TSBP1: variants seen among roughly 807,000 people sequenced by gnomAD.
TSBP1 encodes the protein testis expressed basic protein 1.
A neutral mutation model predicts 68.8 loss-of-function variants in TSBP1; 56 were observed. The ratio of observed to expected loss-of-function variants is 0.81; its 90% CI spans 0.66 to 1.02. The LOEUF (loss-of-function observed/expected upper bound fraction) is 1.02, where lower values mean the gene tolerates loss of function less well. TSBP1 is among the 50% of genes least tolerant of loss of function. The pLI is 0.00. For missense variants in TSBP1, 502 were observed against 641.2 expected (o/e 0.78, Z 2.34); for synonymous variants, 171 against 208.7 (o/e 0.82, Z 1.56).
chr6:32,334,868 C>A (rs940979062), intron 14 of TSBP1, among the ~76,000 whole-genome samples: 2 of 152,036 alleles, frequency 1.3e-5, no homozygotes, highest in Non-Finnish European at 2.9e-5. Flanking sequence ...CCCATCTCTA[C>A]TAAAAATACA....
At chr6:32,347,676 T>A (rs1771211121) in intron 9 of TSBP1, among the ~76,000 whole-genome samples, 1 of 128,418 alleles carries the variant, frequency 7.8e-6, no homozygotes, top group Admixed American at 7.9e-5. Context: ...TGGCTTATTG[T>A]GGTGCTCAGA....
rs747212915 is a variant in TSBP1 at position 32,357,760 on chromosome 6, T to C, written c.218-2091A>G. Among the ~76,000 whole-genome samples, 1 of 152,134 alleles carries C rather than the reference T, an allele frequency of 6.6e-6. No individual in the cohort carries two copies. The highest frequency in any genetic ancestry group is 2.4e-5 in the African/African-American group (1 of 41,422). ...GAGTTAAATATCATTCCAAGGTAGATAGTCTGAGCAATTAGGTGAATACAG... is the reference window on the plus strand; with the variant it reads ...GAGTTAAATATCATTCCAAGGTAGACAGTCTGAGCAATTAGGTGAATACAG... On this transcript the variant is annotated intron_variant, in intron 6 of 22. Coordinates refer to ENST00000612031, the Ensembl canonical transcript of TSBP1. This position sits in a 1 kb window ranked among gnomAD's most constrained non-coding sequence, Gnocchi z 4.7.
intron 8 of TSBP1, chr6:32,350,236 A>T (rs1451712095): frequency 8.7e-6 from 4 of 457,804 alleles, no homozygotes; most frequent in African/African-American, 8.0e-5. Flanking sequence ...CCACTTTCCA[A>T]AATTCACTTG....
exon 23 of TSBP1, chr6:32,293,098 T>G (rs1764315907): frequency 6.2e-7 from 1 of 1,604,366 alleles, no homozygotes; most frequent in South Asian, 1.1e-5. Flanking sequence ...TGTCCTTTCC[T>G]TTGTCACCTT....
intron 8 of TSBP1, among the ~76,000 whole-genome samples, chr6:32,354,609 T>C (rs1030986545): frequency 6.6e-6 from 1 of 152,146 alleles, no homozygotes; most frequent in Non-Finnish European, 1.5e-5. Flanking sequence ...TTCCATCTAC[T>C]TAAGGACTGT....
intron 17 of TSBP1, 62 bp from the exon 19 acceptor site, chr6:32,323,199 A>T: frequency 1.7e-6 from 2 of 1,154,552 alleles, no homozygotes; most frequent in Non-Finnish European, 1.3e-6. Context: ...CCCTCTAGGG[A>T]GGTATATTTG....
chr6:32,333,744 G>A lies in TSBP1; in HGVS notation c.473-1690C>T, dbSNP rs986282198. Among the ~76,000 whole-genome samples, 16 of 152,224 alleles carry A rather than the reference G, an allele frequency of 1.1e-4. No individual in the cohort carries two copies. Among genetic ancestry groups the A allele is most frequent in the Non-Finnish European group, 4.4e-5 (3 of 68,038 alleles). On this transcript the variant is annotated intron_variant, in intron 14 of 22. Coordinates refer to ENST00000612031, the Ensembl canonical transcript of TSBP1. The surrounding 1 kb of genome is among the most constrained non-coding windows in gnomAD (Gnocchi z 4.2). ...GTAATCTTCTAAGTCTGCGTGGTTA[G>A]TTGAATCTAAAAAGACCATATCTTC...
chr6:32,331,693 C>T (rs1402447215), intron 15 of TSBP1, among the ~76,000 whole-genome samples: 3 of 152,062 alleles, frequency 2.0e-5, no homozygotes, highest in Admixed American at 6.5e-5. Context: ...AATATCCTGC[C>T]GGCCAGCAAG....
At position 32,365,699 on chromosome 6, in the gene TSBP1, T is replaced by C. The variant is rs1773625051; in HGVS notation, c.217+468A>G. 2 of 441,818 alleles carry C rather than the reference T, an allele frequency of 4.5e-6. No individual in the cohort carries two copies. Among genetic ancestry groups the C allele is most frequent in the Admixed American group, 4.8e-5 (2 of 41,476 alleles). The allele number at this position is 441,818 out of a possible 1,614,324, so 27.4% of individuals were successfully genotyped here. A position where few individuals can be genotyped will look rare whatever the true frequency, so the allele number is the denominator to read the frequency against. On this transcript the variant is annotated intron_variant, in intron 6 of 22. Transcript: ENST00000612031. The surrounding 1 kb of genome is among the most constrained non-coding windows in gnomAD (Gnocchi z 4.3). ...GGGCCAAGTGGGTCTGTCTCAGCATTGAGTTGTGCCACCTTGGGGGAGGAG... is the reference window on the plus strand; with the variant it reads ...GGGCCAAGTGGGTCTGTCTCAGCATCGAGTTGTGCCACCTTGGGGGAGGAG...
chr6:32,370,947 T>C (rs1774353115), intron 1 of TSBP1, among the ~76,000 whole-genome samples: 1 of 152,060 alleles, frequency 6.6e-6, no homozygotes, highest in African/African-American at 2.4e-5. Context: ...TCTGAAAGAC[T>C]AGGAAAGTAG....
chr6:32,308,274 TA>T (rs1765971726), intron 19 of TSBP1, among the ~76,000 whole-genome samples: 1 of 151,688 alleles, frequency 6.6e-6, no homozygotes, highest in Non-Finnish European at 1.5e-5. Flanking sequence ...TATTGTATAA[TA>T]TTGTGCTAAG....
rs779638374 is a variant in TSBP1 at position 32,338,985 on chromosome 6, C to T, written c.403G>A (p.Ala135Thr). 1 of 1,611,674 alleles carries T rather than the reference C, an allele frequency of 6.2e-7. No individual in the cohort carries two copies. Among genetic ancestry groups the T allele is most frequent in the Non-Finnish European group, 8.5e-7 (1 of 1,178,838 alleles). ...GGGCAGAAAAAGAACTTACTCATGG[C>T]TCCTGCAGTTCTGGCTAAAATACAA... is the stretch of plus-strand genomic sequence containing the variant. The change falls in exon 11 of 23, where the codon GCC (alanine) becomes ACC (threonine). Residue 135 changes from alanine to threonine, a missense_variant. Coordinates refer to ENST00000612031, the Ensembl canonical transcript of TSBP1. This position sits in a 1 kb window ranked among gnomAD's most constrained non-coding sequence, Gnocchi z 5.5.
Position 32,306,316 on chromosome 6 carries a change from G to A in TSBP1, c.581-3687C>T, listed in dbSNP as rs758084665. 3.3e-5 allele frequency among the ~76,000 whole-genome samples: 5 copies of A among 152,138 alleles called. No homozygotes were observed. The highest frequency in any genetic ancestry group is 6.5e-5 in the Admixed American group (1 of 15,274). On this transcript the variant is annotated intron_variant, in intron 19 of 22. Transcript: ENST00000612031. The surrounding 1 kb of genome is among the most constrained non-coding windows in gnomAD (Gnocchi z 5.1). ...TTCCCAACCTCCTCTGACTCTTGCT[G>A]GCATCCAGATCTCTGTGTTCCTCAG...
At position 32,334,370 on chromosome 6, in the gene TSBP1, A is replaced by G. The variant is rs374116191; in HGVS notation, c.472+1067T>C. Reference sequence around the variant, plus strand: ...ACTTTTTCTCCTCTAGGCCTTTACTACCCTTTAATCTCAATATTAGAACTT... The same window carrying G: ...ACTTTTTCTCCTCTAGGCCTTTACTGCCCTTTAATCTCAATATTAGAACTT... On this transcript the variant is annotated intron_variant, in intron 14 of 22. Transcript: ENST00000612031. Among the ~76,000 whole-genome samples, 35 of 152,048 alleles carry G rather than the reference A, an allele frequency of 2.3e-4. No homozygotes were observed. In the South Asian group the frequency reaches 5.4e-3, roughly 24 times the overall value.
Position 32,328,947 on chromosome 6 carries a change from G to A in TSBP1, c.514+1642C>T, listed in dbSNP as rs541503347. On this transcript the variant is annotated intron_variant, in intron 16 of 22. Transcript: ENST00000612031. ...GTACAGATTTCTTATGTCATATATGGCATAGTGGTGAAGTCTGGGCTTTTA... is the reference window on the plus strand; with the variant it reads ...GTACAGATTTCTTATGTCATATATGACATAGTGGTGAAGTCTGGGCTTTTA... 7.9e-5 allele frequency among the ~76,000 whole-genome samples: 12 copies of A among 152,196 alleles called. No individual in the cohort carries two copies. In the South Asian group the frequency reaches 2.5e-3, roughly 32 times the overall value.
In TSBP1 at chr6:32,303,473, T is replaced by C. The variant is rs187197248; in HGVS notation, c.581-844A>G. ...GCATTTAGGTCCACTTTACGTGATA[T>C]TAATGTAGCCACATCTGCCTTTTTT... On this transcript the variant is annotated intron_variant, in intron 19 of 22. Coordinates refer to ENST00000612031, the Ensembl canonical transcript of TSBP1. Among the ~76,000 whole-genome samples, 248 of 151,028 alleles carry C rather than the reference T, an allele frequency of 1.6e-3. 9 individuals are homozygous for C. In the East Asian group the frequency reaches 0.035, roughly 21 times the overall value.
At chr6:32,367,717 T>C (rs926943310) in intron 4 of TSBP1, among the ~76,000 whole-genome samples, 4 of 152,232 alleles carry the variant, frequency 2.6e-5, no homozygotes, top group East Asian at 3.8e-4. Flanking sequence ...ATGAATTCTT[T>C]TGATGGTCTT....
rs1046889501 is a variant in TSBP1 at position 32,336,403 on chromosome 6, C to G, written c.430+212G>C. ...CTTTGGAAACTATGTAATAGGAATG[C>G]CAGGGGAGTTGAGAAAGACAGTGTT... On this transcript the variant is annotated intron_variant, in intron 12 of 22. Transcript: ENST00000612031. This position sits in a 1 kb window ranked among gnomAD's most constrained non-coding sequence, Gnocchi z 5.2. 1.3e-5 allele frequency among the ~76,000 whole-genome samples: 2 copies of G among 152,074 alleles called. No individual in the cohort carries two copies. The highest frequency in any genetic ancestry group is 4.1e-4 in the South Asian group (2 of 4,828).
intron 8 of TSBP1, among the ~76,000 whole-genome samples, chr6:32,353,984 G>A (rs569497565): frequency 6.6e-6 from 1 of 151,894 alleles, no homozygotes; most frequent in Non-Finnish European, 1.5e-5. Context: ...TTAAGAGAAA[G>A]TATTAGATAA....
Sources: gnomAD v4.1 joint callset for allele counts (sites outside exome capture counted in the v4.1 genomes callset) on GRCh38, gnomAD v4.1.1 for gene constraint, Gnocchi (gnomAD v3.1) non-coding constraint, MANE v1.5 for transcripts, NCBI Gene and HGNC (gene_info 2026-07-23, HGNC 2026-07-21) for gene names.